Variants in SCAPER observed in about 807,000 individuals in gnomAD.
The protein encoded by SCAPER is S-phase cyclin A associated protein in the ER, also known as S phase cyclin A-associated protein in the endoplasmic reticulum.
Under a neutral mutation model 182.2 loss-of-function variants are expected in SCAPER, and 98 were observed. The ratio of observed to expected loss-of-function variants is 0.54; its 90% CI spans 0.46 to 0.64. SCAPER has a LOEUF of 0.64. SCAPER is among the 30% of genes least tolerant of loss of function. SCAPER has a pLI of 0.00. For synonymous variants in SCAPER, 605 were observed against 564.6 expected (o/e 1.07, Z -1.01); for missense variants, 1,432 against 1,690.0 (o/e 0.85, Z 2.68).
chr15:76,780,855 C>T (rs1413224188), intron 8 of SCAPER, among the ~76,000 whole-genome samples: 1 of 150,788 alleles, frequency 6.6e-6, no homozygotes, highest in Admixed American at 6.6e-5. Context: ...ACAAAAAGGA[C>T]ATCTACACCA....
At chr15:76,837,116 G>A (rs1031926264) in intron 5 of SCAPER, among the ~76,000 whole-genome samples, 4 of 152,080 alleles carry the variant, frequency 2.6e-5, no homozygotes, top group Admixed American at 6.6e-5. Context: ...CCCACAAGAT[G>A]GGAGAAAACA....
chr15:76,695,964 T>G (rs1298147049), intron 20 of SCAPER, among the ~76,000 whole-genome samples: 3 of 152,200 alleles, frequency 2.0e-5, no homozygotes, highest in Non-Finnish European at 4.4e-5. Flanking sequence ...CCAACCCTAC[T>G]GAGGTATTAG....
At chr15:76,606,296 A>T (rs1327537579) in intron 22 of SCAPER, among the ~76,000 whole-genome samples, 1 of 152,196 alleles carries the variant, frequency 6.6e-6, no homozygotes, top group East Asian at 1.9e-4. Flanking sequence ...GTCATTCAGG[A>T]GCAGGTTGTT....
At chr15:76,428,446 T>G (rs1295184358) in intron 26 of SCAPER, among the ~76,000 whole-genome samples, 1 of 152,200 alleles carries the variant, frequency 6.6e-6, no homozygotes, top group African/African-American at 2.4e-5. Context: ...CTTTCTTTTT[T>G]ACAACATGGA....
intron 20 of SCAPER, among the ~76,000 whole-genome samples, chr15:76,666,553 T>C (rs1184606544): frequency 6.6e-6 from 1 of 152,222 alleles, no homozygotes; most frequent in African/African-American, 2.4e-5. Context: ...TCTGAGCCTA[T>C]GTCTGAAGCA....
chr15:76,729,187 T>G (rs2060763316), intron 16 of SCAPER, among the ~76,000 whole-genome samples: 1 of 151,890 alleles, frequency 6.6e-6, no homozygotes, highest in African/African-American at 2.4e-5. Context: ...CTCCTCAGCT[T>G]GTAGACACTC....
At chr15:76,753,720 G>A (rs191021693) in intron 15 of SCAPER, 88 bp downstream of exon 15, 3 of 1,402,228 alleles carry the variant, frequency 2.1e-6, no homozygotes, top group East Asian at 4.7e-5. Context: ...ATAAACATTG[G>A]ATAAACATTA....
At chr15:76,772,312 C>T (rs1036611733) in intron 9 of SCAPER, among the ~76,000 whole-genome samples, 2 of 151,940 alleles carry the variant, frequency 1.3e-5, no homozygotes, top group African/African-American at 4.8e-5. Flanking sequence ...CTGTATTATA[C>T]TCATACAACC....
intron 29 of SCAPER, among the ~76,000 whole-genome samples, chr15:76,361,210 G>A (rs1273450635): frequency 6.6e-6 from 1 of 152,136 alleles, no homozygotes; most frequent in African/African-American, 2.4e-5. Flanking sequence ...TTGTATAAAT[G>A]TAAAACAGCC....
At chr15:76,393,286 T>C (rs538688694) in intron 27 of SCAPER, among the ~76,000 whole-genome samples, 1 of 152,328 alleles carries the variant, frequency 6.6e-6, no homozygotes, top group East Asian at 1.9e-4. Flanking sequence ...TGAATGCTTG[T>C]AGGGAGATAG....
Position 76,385,831 on chromosome 15 carries a change from A to G in SCAPER, c.3468-4216T>C, listed in dbSNP as rs150873135. Among the ~76,000 whole-genome samples, 559 of 152,342 alleles carry G rather than the reference A, an allele frequency of 3.7e-3. 1 individual carries two copies. The highest frequency in any genetic ancestry group is 0.01 in the Middle Eastern group (3 of 294). On this transcript the variant is annotated intron_variant, in intron 27 of 31. Transcript: ENST00000563290. ...CAAGCCCCTGTTCTAGAGGCATTAC[A>G]GTCTAATAGGGGCTGGTGGGTGTAT...
Position 76,795,186 on chromosome 15 carries a change from A to G in SCAPER, c.772+94T>C. 4 of 1,135,586 alleles carry G rather than the reference A, an allele frequency of 3.5e-6. No homozygotes were observed. In the South Asian group the frequency reaches 7.4e-5, roughly 21 times the overall value. The allele number at this position is 1,135,586 out of a possible 1,614,324, so 70.3% of individuals were successfully genotyped here. ...GGTAAATTAATATTACGTATGTTGT[A>G]CAAAAAGATAAATAGGACCAATTTT... On this transcript the variant is annotated intron_variant, in intron 8 of 31. Coordinates refer to ENST00000563290, the MANE Select transcript of SCAPER (RefSeq NM_020843.4).
At chr15:76,843,160 A>G (rs2069650998) in intron 4 of SCAPER, among the ~76,000 whole-genome samples, 1 of 152,216 alleles carries the variant, frequency 6.6e-6, no homozygotes, top group African/African-American at 2.4e-5. Flanking sequence ...AATTAAAATC[A>G]TAAAGTATAT....
In SCAPER at chr15:76,765,008, T is replaced by G; in HGVS notation, c.1678A>C (p.Lys560Gln). ...TTCAATGTTTTCTCTTCGCGTAACT[T>G]TTCCCTTAGCTGCTGTGCTTTCATT... ...KQMKAQQLRE[K>Q]LREEKTLKLQ... is the part of the protein sequence containing the mutation. The change falls in exon 14 of 32, where the codon AAG becomes CAG. Residue 560 changes from lysine to glutamine, a missense_variant. Coordinates refer to ENST00000563290, the MANE Select transcript of SCAPER (RefSeq NM_020843.4). The G allele has an allele frequency of 1.2e-6, 2 of 1,604,286 alleles. No individual in the cohort carries two copies. The highest frequency in any genetic ancestry group is 1.3e-5 in the African/African-American group (1 of 74,938).
In SCAPER at chr15:76,705,314, C is replaced by T. The variant is rs561255368; in HGVS notation, c.2247+589G>A. On this transcript the variant is annotated intron_variant, in intron 18 of 31. Coordinates refer to ENST00000563290, the MANE Select transcript of SCAPER (RefSeq NM_020843.4). The stretch of plus-strand genomic sequence containing the variant: ...ATTGCAAGGACAAAAAACCAAACAC[C>T]GCATGTTCTCACTCATAGATGGGAA... Among the ~76,000 whole-genome samples, 310 of 146,324 alleles carry T rather than the reference C, an allele frequency of 2.1e-3. 1 individual carries two copies. The highest frequency in any genetic ancestry group is 7.4e-3 in the African/African-American group (294 of 39,506).
intron 22 of SCAPER, among the ~76,000 whole-genome samples, chr15:76,575,237 G>A (rs1299775745): frequency 6.6e-6 from 1 of 152,084 alleles, no homozygotes; most frequent in Non-Finnish European, 1.5e-5. Context: ...CCTGGCAGGG[G>A]TGGGGGTGTG....
chr15:76,824,561 G>A (rs898763248), intron 5 of SCAPER, among the ~76,000 whole-genome samples: 1 of 152,080 alleles, frequency 6.6e-6, no homozygotes, highest in African/African-American at 2.4e-5. Flanking sequence ...ATGAAAACGA[G>A]TTTCTTAAAA....
At chr15:76,819,823 A>G (rs928506897) in intron 5 of SCAPER, among the ~76,000 whole-genome samples, 14 of 152,178 alleles carry the variant, frequency 9.2e-5, no homozygotes, top group Non-Finnish European at 1.8e-4. Flanking sequence ...AAATGGGAGA[A>G]AATTTTTGCA....
intron 27 of SCAPER, among the ~76,000 whole-genome samples, chr15:76,395,316 T>A (rs1214240431): frequency 6.6e-6 from 1 of 152,190 alleles, no homozygotes; most frequent in Non-Finnish European, 1.5e-5. Flanking sequence ...CATGGGAGTG[T>A]GGATATCTCT....
Sources: gnomAD v4.1 joint callset for allele counts (sites outside exome capture counted in the v4.1 genomes callset) on GRCh38, gnomAD v4.1.1 for gene constraint, MANE v1.5 for transcripts, NCBI Gene and HGNC (gene_info 2026-07-23, HGNC 2026-07-21) for gene names.